Variants in FAM228B observed in about 807,000 individuals in gnomAD.
The protein encoded by FAM228B is family with sequence similarity 228 member B.
FAM228B carries 38 observed loss-of-function variants against 42.6 expected under a neutral mutation model. That is an observed-to-expected ratio of 0.89 (90% confidence interval 0.69 to 1.17). The LOEUF (loss-of-function observed/expected upper bound fraction) is 1.17, where lower values mean the gene tolerates loss of function less well. Among genes scored for constraint, FAM228B ranks in the 50% most tolerant of loss-of-function variants. The pLI is 0.00. For missense variants in FAM228B, 344 were observed against 367.3 expected (o/e 0.94, Z 0.52); for synonymous variants, 109 against 122.3 (o/e 0.89, Z 0.72).
chr2:24,141,775 G>A (rs1461252032), intron 5 of FAM228B, among the ~76,000 whole-genome samples: 1 of 152,176 alleles, frequency 6.6e-6, no homozygotes, highest in Non-Finnish European at 1.5e-5. Flanking sequence ...GTCCAAATCA[G>A]TGAGAAGTCC....
At chr2:24,147,550 C>T (rs187589230) in intron 7 of FAM228B, among the ~76,000 whole-genome samples, 1 of 152,184 alleles carries the variant, frequency 6.6e-6, no homozygotes, top group East Asian at 1.9e-4. Context: ...TCTCACAGTG[C>T]CATAGCTCTT....
intron 7 of FAM228B, among the ~76,000 whole-genome samples, chr2:24,148,710 C>A (rs1666952885): frequency 6.6e-6 from 1 of 152,214 alleles, no homozygotes; most frequent in East Asian, 1.9e-4. Context: ...ATGATTTATT[C>A]TTCATGTTAC....
intron 2 of FAM228B, among the ~76,000 whole-genome samples, chr2:24,088,987 A>G (rs938377734): frequency 4.0e-4 from 61 of 152,362 alleles, no homozygotes; most frequent in African/African-American, 1.5e-3. Flanking sequence ...GTGTGAGTGT[A>G]GAAACAGTGT....
intron 3 of FAM228B, among the ~76,000 whole-genome samples, chr2:24,116,385 T>G (rs1488331334): frequency 6.6e-6 from 1 of 151,990 alleles, no homozygotes; most frequent in African/African-American, 2.4e-5. Context: ...AAAGATGGGG[T>G]CTCACTATGT....
At chr2:24,093,560 A>C (rs1289202194) in intron 2 of FAM228B, among the ~76,000 whole-genome samples, 2 of 151,602 alleles carry the variant, frequency 1.3e-5, no homozygotes, top group Admixed American at 6.6e-5. Context: ...ATTGATGGGC[A>C]TTTGGGTTGG....
chr2:24,077,912 A>C lies in FAM228B; in HGVS notation c.-290+943A>C. On this transcript the variant is annotated intron_variant, in intron 1 of 10. Transcript: ENST00000613899. The surrounding 1 kb of genome is among the most constrained non-coding windows in gnomAD (Gnocchi z 5.5). ...CCTCACTTCCTAGCATGTGTGTGAA[A>C]TACCCTTGAAGGAGTCATGTGCCAT... The C allele has an allele frequency of 1.3e-6, 1 of 776,460 alleles. No homozygotes were observed. Among genetic ancestry groups the C allele is most frequent in the East Asian group, 2.6e-5 (1 of 37,792 alleles). The allele number at this position is 776,460 out of a possible 1,614,324, so 48.1% of individuals were successfully genotyped here.
chr2:24,144,234 A>T (rs539400067), intron 5 of FAM228B, among the ~76,000 whole-genome samples: 1 of 152,256 alleles, frequency 6.6e-6, no homozygotes, highest in Non-Finnish European at 1.5e-5. Context: ...TGAACTCAGC[A>T]TTCGAGACCA....
At chr2:24,149,823 C>T (rs1266666052) in intron 7 of FAM228B, among the ~76,000 whole-genome samples, 1 of 152,232 alleles carries the variant, frequency 6.6e-6, no homozygotes, top group African/African-American at 2.4e-5. Flanking sequence ...TGAGCCACTG[C>T]ACCTGGCCTG....
At chr2:24,141,901 G>T (rs1666758894) in intron 5 of FAM228B, among the ~76,000 whole-genome samples, 1 of 152,062 alleles carries the variant, frequency 6.6e-6, no homozygotes, top group Non-Finnish European at 1.5e-5. Flanking sequence ...CACATCACTG[G>T]TCCCAGGCCC....
At position 24,102,997 on chromosome 2, in the gene FAM228B, C is replaced by G. The variant is rs115267295; in HGVS notation, c.-121+7768C>G. ...ATATAGATGGACAAGGCATGCAGCC[C>G]TCCTTTCCTGGATGAATTATGATAC... is the stretch of plus-strand genomic sequence containing the variant. On this transcript the variant is annotated intron_variant, in intron 3 of 10. Coordinates refer to the FAM228B transcript ENST00000613899. 3.8e-3 allele frequency among the ~76,000 whole-genome samples: 576 copies of G among 152,290 alleles called. 6 individuals are homozygous for G. Among genetic ancestry groups the G allele is most frequent in the African/African-American group, 0.013 (541 of 41,552 alleles).
chr2:24,096,087 A>T (rs944069592), intron 3 of FAM228B: 6 of 152,252 alleles, frequency 3.9e-5, no homozygotes, highest in African/African-American at 1.4e-4. Flanking sequence ...TAGCATCAAC[A>T]TCACCAAAAA....
At chr2:24,121,426 G>A, upstream of FAM228B, 11 of 871,270 alleles carry the variant, frequency 1.3e-5, no homozygotes, top group Admixed American at 3.1e-5. Flanking sequence ...TAAATGGTTG[G>A]GGAAAAAAAA....
intron 2 of FAM228B, among the ~76,000 whole-genome samples, chr2:24,125,560 C>A (rs1268877372): frequency 1.3e-5 from 2 of 151,500 alleles, no homozygotes; most frequent in African/African-American, 2.4e-5. Context: ...TTCTTTCTCT[C>A]TCTTTCCTTT....
At chr2:24,164,404 C>G (rs1210484342) in intron 9 of FAM228B, 69 bp downstream of exon 9, 17 of 1,468,566 alleles carry the variant, frequency 1.2e-5, no homozygotes, top group Non-Finnish European at 1.5e-5. Flanking sequence ...ATCTGAGCAC[C>G]TGGGAACTTT....
chr2:24,167,491 T>G, intron 9 of FAM228B, 136 bp from the exon 10 acceptor site: 1 of 1,059,082 alleles, frequency 9.4e-7, no homozygotes, highest in Non-Finnish European at 1.4e-6. Context: ...AAACCTGTTC[T>G]GTTGGGGTTG....
intron 7 of FAM228B, among the ~76,000 whole-genome samples, chr2:24,147,925 T>A (rs1573775657): frequency 6.6e-6 from 1 of 151,962 alleles, no homozygotes; most frequent in African/African-American, 2.4e-5. Flanking sequence ...CCTTTTTTTT[T>A]TTTTTTTGCA....
intron 2 of FAM228B, among the ~76,000 whole-genome samples, chr2:24,124,900 C>T (rs912944901): frequency 6.6e-6 from 1 of 152,216 alleles, no homozygotes; most frequent in African/African-American, 2.4e-5. Flanking sequence ...AATCTCTACA[C>T]TGTGTCGCCT....
chr2:24,120,224 G>A (rs770224983), upstream of FAM228B, among the ~76,000 whole-genome samples: 3 of 151,790 alleles, frequency 2.0e-5, no homozygotes, highest in Admixed American at 6.6e-5. Context: ...AGCCGAGATC[G>A]TGCCATTGCA....
intron 7 of FAM228B, among the ~76,000 whole-genome samples, chr2:24,158,196 CTTTTT>C (rs1322122366): frequency 1.9e-5 from 1 of 53,200 alleles, no homozygotes; most frequent in African/African-American, 9.3e-5. Flanking sequence ...TCTGAACCTC[CTTTTT>C]TTTTTTTTTT....
Sources: gnomAD v4.1 joint callset for allele counts (sites outside exome capture counted in the v4.1 genomes callset) on GRCh38, gnomAD v4.1.1 for gene constraint, Gnocchi (gnomAD v3.1) non-coding constraint, MANE v1.5 for transcripts, NCBI Gene and HGNC (gene_info 2026-07-23, HGNC 2026-07-21) for gene names.